Variants in GALNT14 observed in about 807,000 individuals in gnomAD.
GALNT14 encodes the protein polypeptide N-acetylgalactosaminyltransferase 14.
A neutral mutation model predicts 77.5 loss-of-function variants in GALNT14; 60 were observed. That is an observed-to-expected ratio of 0.77 (90% confidence interval 0.63 to 0.96). The LOEUF is 0.96. Among genes scored for constraint, GALNT14 ranks in the 40% least tolerant of loss-of-function variants. GALNT14 has a pLI of 0.00. For missense variants in GALNT14, 710 were observed against 731.0 expected, an observed-to-expected ratio of 0.97 and a Z score of 0.33; for synonymous variants, 280 against 281.7, an observed-to-expected ratio of 0.99 and a Z score of 0.06.
At chr2:31,020,649 T>C (rs1328505070) in intron 1 of GALNT14, among the ~76,000 whole-genome samples, 3 of 152,192 alleles carry the variant, frequency 2.0e-5, no homozygotes, top group South Asian at 2.1e-4. Flanking sequence ...CAGTCCCCCT[T>C]TCCCCTCTGG....
chr2:30,984,728 A>C (rs1669191218), intron 2 of GALNT14, among the ~76,000 whole-genome samples: 1 of 152,162 alleles, frequency 6.6e-6, no homozygotes, highest in South Asian at 2.1e-4. Flanking sequence ...TCGCCAGCAC[A>C]CTAACTGCAG....
chr2:30,906,217 A>G (rs1420118324), downstream of GALNT14, among the ~76,000 whole-genome samples: 2 of 150,834 alleles, frequency 1.3e-5, no homozygotes, highest in South Asian at 2.1e-4. Flanking sequence ...AACAATATTA[A>G]CTTTAAATGT....
intron 1 of GALNT14, among the ~76,000 whole-genome samples, chr2:31,038,810 A>G (rs1334983135): frequency 6.6e-6 from 1 of 151,760 alleles, no homozygotes; most frequent in African/African-American, 2.4e-5. Flanking sequence ...CAGTGGGGCA[A>G]TCTCGGCTCA....
At chr2:31,108,581 C>T (rs1412855569) in intron 1 of GALNT14, among the ~76,000 whole-genome samples, 2 of 152,212 alleles carry the variant, frequency 1.3e-5, no homozygotes, top group African/African-American at 4.8e-5. Context: ...AGAAAGGTAA[C>T]ACTGGTTGGA....
rs146405433 is a variant in GALNT14, at chr2:31,104,516, G to A, written c.129+33442C>T. 7.1e-4 allele frequency among the ~76,000 whole-genome samples: 108 copies of A among 152,154 alleles called. 1 individual carries two copies. Among genetic ancestry groups the A allele is most frequent in the African/African-American group, 2.5e-3 (104 of 41,518 alleles). ...CAGACCCAGTCCACAGATCCTATGC[G>A]AATTTCTGAAATATCCCAACAATGT... On this transcript the variant is annotated intron_variant, in intron 1 of 14. Coordinates refer to ENST00000349752, the MANE Select transcript of GALNT14 (RefSeq NM_024572.4).
In GALNT14 at chr2:31,023,148, GAAAAACAAAAACAAAAAC is replaced by G. The variant is rs370412226; in HGVS notation, c.130-30159_130-30142del. On this transcript the variant is annotated intron_variant, in intron 1 of 14. Coordinates refer to ENST00000349752, the MANE Select transcript of GALNT14 (RefSeq NM_024572.4). The stretch of plus-strand genomic sequence containing the variant: ...ACTGGTCCAATAAAGCTATAGTGGG[GAAAAACAAAAACAAAAAC>G]AAAAACAAAAACAAAACAAGGTATG... Among the ~76,000 whole-genome samples, 48 of 143,052 alleles carry G rather than the reference GAAAAACAAAAACAAAAAC, an allele frequency of 3.4e-4. No individual in the cohort carries two copies. The East Asian group carries it at 9.1e-3, about 27-fold the overall frequency. The allele number at this position is 143,052 out of a possible 152,430, so 93.8% of individuals were successfully genotyped here.
chr2:30,955,794 G>T, intron 5 of GALNT14, 55 bp from the exon 6 acceptor site: 1 of 1,610,108 alleles, frequency 6.2e-7, no homozygotes, highest in Non-Finnish European at 8.5e-7. Flanking sequence ...ATTGTCCAGC[G>T]AGACCAGGGA....
intron 1 of GALNT14, among the ~76,000 whole-genome samples, chr2:31,128,579 T>G (rs1484952092): frequency 1.3e-5 from 2 of 152,180 alleles, no homozygotes; most frequent in Non-Finnish European, 2.9e-5. Flanking sequence ...ATTTCTAACT[T>G]GGAGCAGCCT....
intron 6 of GALNT14, among the ~76,000 whole-genome samples, chr2:30,951,838 C>T (rs1484019213): frequency 6.6e-6 from 1 of 152,106 alleles, no homozygotes; most frequent in Non-Finnish European, 1.5e-5. Flanking sequence ...CTAGCAGCCC[C>T]CAATATCCAA....
At chr2:31,038,805 G>A (rs1427115536) in intron 1 of GALNT14, among the ~76,000 whole-genome samples, 1 of 151,722 alleles carries the variant, frequency 6.6e-6, no homozygotes, top group East Asian at 1.9e-4. Context: ...GAGTGCAGTG[G>A]GGCAATCTCG....
At chr2:31,129,870 G>C (rs942087172) in intron 1 of GALNT14, among the ~76,000 whole-genome samples, 9 of 152,180 alleles carry the variant, frequency 5.9e-5, no homozygotes, top group African/African-American at 1.7e-4. Flanking sequence ...TCTTTGGAGA[G>C]AGCTCGTCAA....
At chr2:31,125,066 C>A in intron 1 of GALNT14, 1 of 910,688 alleles carries the variant, frequency 1.1e-6, no homozygotes, top group South Asian at 1.5e-5. Context: ...GGAGCTCTGG[C>A]AGATCATCCT....
rs556956311 is a variant in GALNT14, at chr2:31,115,651, G to C, written c.129+22307C>G. Among the ~76,000 whole-genome samples the C allele has an allele frequency of 2.0e-5, 3 of 152,174 alleles. No homozygotes were observed. The South Asian group carries it at 6.2e-4, about 32-fold the overall frequency. On this transcript the variant is annotated intron_variant, in intron 1 of 14. Transcript: ENST00000349752. Reference sequence around the variant, plus strand: ...AGAAGTGTTAAATTATCTCAGCAAAGCCCAGTAATTAGGGGTAGTGGAAGG... The same window carrying C: ...AGAAGTGTTAAATTATCTCAGCAAACCCCAGTAATTAGGGGTAGTGGAAGG...
chr2:30,998,299 G>A (rs1225838037), intron 1 of GALNT14, among the ~76,000 whole-genome samples: 2 of 151,836 alleles, frequency 1.3e-5, no homozygotes, highest in Non-Finnish European at 2.9e-5. Flanking sequence ...TCCTTCCCTG[G>A]GACTGTTTTT....
intron 1 of GALNT14, among the ~76,000 whole-genome samples, chr2:31,080,075 C>T (rs574242782): frequency 6.6e-6 from 1 of 152,358 alleles, no homozygotes; most frequent in East Asian, 1.9e-4. Context: ...GAAAACAGTG[C>T]ATGGGGCAAA....
intron 6 of GALNT14, among the ~76,000 whole-genome samples, chr2:30,950,552 C>T (rs536858852): frequency 1.5e-4 from 23 of 152,336 alleles, no homozygotes; most frequent in African/African-American, 2.9e-4. Context: ...GGCTGACTCA[C>T]GCCCTCACCC....
chr2:31,031,004 G>A (rs780143362), intron 1 of GALNT14, among the ~76,000 whole-genome samples: 7 of 152,194 alleles, frequency 4.6e-5, no homozygotes, highest in East Asian at 3.8e-4. Flanking sequence ...ATGAGAAAGC[G>A]CATGTGTGTA....
chr2:31,137,410 A>G (rs915239435), intron 1 of GALNT14, among the ~76,000 whole-genome samples: 2 of 152,202 alleles, frequency 1.3e-5, no homozygotes, highest in Non-Finnish European at 2.9e-5. Flanking sequence ...TCAACTTCCA[A>G]TGCAGCTGAG....
intron 1 of GALNT14, among the ~76,000 whole-genome samples, chr2:31,039,168 G>A (rs182763610): frequency 5.8e-4 from 89 of 152,236 alleles, no homozygotes; most frequent in Admixed American, 1.4e-3. Flanking sequence ...ATGGAGATGT[G>A]GTTTTTTTGG....
Sources: allele counts gnomAD v4.1 joint callset (sites outside exome capture counted in the v4.1 genomes callset), GRCh38; gene constraint gnomAD v4.1.1; transcripts MANE v1.5; gene names NCBI Gene and HGNC (gene_info 2026-07-23, HGNC 2026-07-21).